The following FNBP1L variants were observed in gnomAD, a reference collection of about 807,000 sequenced individuals.
The protein encoded by FNBP1L is formin binding protein 1 like.
A neutral mutation model predicts 91.2 loss-of-function variants in FNBP1L; 36 were observed. That is an observed-to-expected ratio of 0.39 (90% CI 0.30 to 0.52). FNBP1L has a LOEUF of 0.52. Among genes scored for constraint, FNBP1L ranks in the 20% least tolerant of loss-of-function variants. The pLI, the probability that FNBP1L is intolerant of heterozygous loss-of-function variation, is 0.66. For missense variants in FNBP1L, 571 were observed against 732.1 expected (o/e 0.78, Z 2.54); for synonymous variants, 242 against 237.0 (o/e 1.02, Z -0.19).
chr1:93,491,805 T>C (rs1310888925), intron 1 of FNBP1L, among the ~76,000 whole-genome samples: 1 of 152,238 alleles, frequency 6.6e-6, no homozygotes, highest in Non-Finnish European at 1.5e-5. Context: ...GCTTCTGTTA[T>C]GTTTTCTACT....
intron 5 of FNBP1L, among the ~76,000 whole-genome samples, chr1:93,524,972 G>A (rs865799403): frequency 2.6e-5 from 4 of 151,554 alleles, no homozygotes; most frequent in Admixed American, 6.6e-5. Flanking sequence ...TTTCTTAAAT[G>A]CTCTCGTATA....
At chr1:93,511,433 C>A (rs1006215622) in intron 2 of FNBP1L, among the ~76,000 whole-genome samples, 33 of 152,066 alleles carry the variant, frequency 2.2e-4, no homozygotes, top group African/African-American at 7.0e-4. Context: ...CCAGGCCTGC[C>A]CTAAAAGAGC....
intron 1 of FNBP1L, 26 bp downstream of exon 1, chr1:93,448,331 C>T (rs1160684040): frequency 5.3e-6 from 8 of 1,499,962 alleles, no homozygotes; most frequent in Non-Finnish European, 6.2e-6. Flanking sequence ...GGGCGCCCCG[C>T]ACGGACCCCG....
At chr1:93,518,581 A>G (rs1671209860) in intron 2 of FNBP1L, among the ~76,000 whole-genome samples, 1 of 152,218 alleles carries the variant, frequency 6.6e-6, no homozygotes, top group Admixed American at 6.5e-5. Flanking sequence ...CCACTAATGT[A>G]AGAAAAGAGG....
At chr1:93,507,125 T>A (rs946791681) in intron 2 of FNBP1L, among the ~76,000 whole-genome samples, 3 of 144,834 alleles carry the variant, frequency 2.1e-5, no homozygotes, top group African/African-American at 7.6e-5. Context: ...TCTCTCTCTC[T>A]CTCTCTCTCT....
In FNBP1L at chr1:93,547,456, T is replaced by C. The variant is rs1356880678; in HGVS notation, c.1502+15T>C. The C allele has an allele frequency of 6.5e-7, 1 of 1,539,294 alleles. No individual in the cohort carries two copies. Among genetic ancestry groups the C allele is most frequent in the Non-Finnish European group, 8.8e-7 (1 of 1,136,768 alleles). Reference sequence around the variant, plus strand: ...GGACGAGAAAGGTGATTTTTTGTATTTTATTTGTATTTCTTCTCCCCAGAG... The same window carrying C: ...GGACGAGAAAGGTGATTTTTTGTATCTTATTTGTATTTCTTCTCCCCAGAG... On this transcript the variant is annotated intron_variant, in intron 14 of 16. Transcript: ENST00000271234.
chr1:93,473,860 G>A (rs1669393469), intron 1 of FNBP1L, among the ~76,000 whole-genome samples: 1 of 152,198 alleles, frequency 6.6e-6, no homozygotes, highest in Non-Finnish European at 1.5e-5. Context: ...GCAAGGAGAG[G>A]CATTGGTTAC....
chr1:93,510,594 C>G (rs1471204864), intron 2 of FNBP1L, among the ~76,000 whole-genome samples: 1 of 152,196 alleles, frequency 6.6e-6, no homozygotes, highest in African/African-American at 2.4e-5. Context: ...AGCAACGGAA[C>G]AAAGCTGGAC....
intron 1 of FNBP1L, among the ~76,000 whole-genome samples, chr1:93,474,784 CTTG>C (rs1159341540): frequency 6.6e-6 from 1 of 152,154 alleles, no homozygotes; most frequent in Non-Finnish European, 1.5e-5. Flanking sequence ...ATAAGCCATT[CTTG>C]TTTTTTTGTT....
intron 12 of FNBP1L, among the ~76,000 whole-genome samples, chr1:93,546,143 T>C (rs1672218567): frequency 1.3e-5 from 2 of 151,926 alleles, no homozygotes; most frequent in African/African-American, 4.8e-5. Flanking sequence ...GTAATACACA[T>C]TTAAAGGTTG....
chr1:93,540,970 A>T, intron 10 of FNBP1L, 72 bp from the exon 11 acceptor site: 1 of 1,330,956 alleles, frequency 7.5e-7, no homozygotes, highest in Non-Finnish European at 1.0e-6. Context: ...AGAATAGGCT[A>T]TTGCATCTTC....
In FNBP1L at chr1:93,529,751, G is replaced by C. The variant is rs1480720351; in HGVS notation, c.505G>C (p.Glu169Gln). 9.4e-6 allele frequency: 14 copies of C among 1,495,866 alleles called. No individual in the cohort carries two copies. The highest frequency in any genetic ancestry group is 1.2e-5 in the Non-Finnish European group (13 of 1,120,158). The allele number at this position is 1,495,866 out of a possible 1,614,324, so 92.7% of individuals were successfully genotyped here. Residue 169 changes from glutamate (E) to glutamine (Q), a missense_variant, in exon 6 of 17, where the codon GAA becomes CAA. Glu to Gln is a conservative substitution (Grantham distance 29). Transcript: ENST00000271234. ...TACTAATGCAACCAAGGCAGATGTTGAAAAGGTAAGAAATACTCCAAACCA... is the reference window on the plus strand; with the variant it reads ...TACTAATGCAACCAAGGCAGATGTTCAAAAGGTAAGAAATACTCCAAACCA... ...NDTNATKADV[E>Q]KAKQQLNLRT...
chr1:93,454,446 C>T (rs1176871171), intron 1 of FNBP1L, among the ~76,000 whole-genome samples: 1 of 152,026 alleles, frequency 6.6e-6, no homozygotes, highest in Admixed American at 6.6e-5. Flanking sequence ...GAAGGGATTA[C>T]CTCTTGCTTC....
rs1464053216 is a variant in FNBP1L at position 93,531,456 on chromosome 1, C to A, written c.639+573C>A. Among the ~76,000 whole-genome samples the A allele has an allele frequency of 2.6e-5, 4 of 152,094 alleles. No homozygotes were observed. The East Asian group carries it at 5.8e-4, about 22-fold the overall frequency. ...CATGAGGGTTAAATTATTTAATTGC[C>A]TGTTCTAGAAAGAAGAGAAATTACA... On this transcript the variant is annotated intron_variant, in intron 7 of 16. Transcript: ENST00000271234.
intron 2 of FNBP1L, among the ~76,000 whole-genome samples, chr1:93,516,298 C>G (rs112300932): frequency 2.0e-5 from 3 of 152,164 alleles, no homozygotes; most frequent in Admixed American, 2.0e-4. Context: ...GGATTTGAAC[C>G]GGGGACCTCT....
chr1:93,548,346 A>C (rs938520041), intron 14 of FNBP1L, among the ~76,000 whole-genome samples: 1 of 152,176 alleles, frequency 6.6e-6, no homozygotes, highest in African/African-American at 2.4e-5. Context: ...AATCTAATTC[A>C]GTCATTTGAT....
chr1:93,465,527 A>G (rs1287603876), intron 1 of FNBP1L, among the ~76,000 whole-genome samples: 4 of 152,188 alleles, frequency 2.6e-5, no homozygotes, highest in Non-Finnish European at 5.9e-5. Flanking sequence ...TGCAAAGGAC[A>G]TGAACTCATC....
intron 2 of FNBP1L, among the ~76,000 whole-genome samples, chr1:93,509,780 G>A (rs886395874): frequency 7.9e-5 from 12 of 152,342 alleles, no homozygotes; most frequent in East Asian, 1.9e-4. Context: ...CTGCTTGGGC[G>A]AGGCATTGCC....
chr1:93,542,845 G>A (rs888753341), intron 11 of FNBP1L, among the ~76,000 whole-genome samples: 7 of 145,836 alleles, frequency 4.8e-5, no homozygotes, highest in Non-Finnish European at 7.4e-5. Context: ...GTGCAATGGC[G>A]CGATCTTGGC....
Sources: allele counts gnomAD v4.1 joint callset (sites outside exome capture counted in the v4.1 genomes callset), GRCh38; gene constraint gnomAD v4.1.1; transcripts MANE v1.5; gene names NCBI Gene and HGNC (gene_info 2026-07-23, HGNC 2026-07-21).